Variants in C13orf42 observed in about 807,000 individuals in gnomAD.
C13orf42 encodes the protein uncharacterized protein C13orf42.
Position 51,149,010 on chromosome 13 carries a change from C to T in C13orf42, n.136+23243G>A, listed in dbSNP as rs138648668. Among the ~76,000 whole-genome samples, 449 of 152,294 alleles carry T rather than the reference C, an allele frequency of 2.9e-3. 4 individuals carry two copies. The highest frequency in any genetic ancestry group is 9.4e-3 in the African/African-American group (390 of 41,576). On this transcript the variant is annotated intron_variant and non_coding_transcript_variant, in intron 1 of 4. Transcript: ENST00000433280. ...ACAAAGCATCTTTCTGACTGCCCAC[C>T]TCCTGCCCCACACAGTTTGAAAGGC...
At chr13:51,139,142 C>A (rs1035477453) in intron 1 of C13orf42, among the ~76,000 whole-genome samples, 1 of 152,002 alleles carries the variant, frequency 6.6e-6, no homozygotes, top group Non-Finnish European at 1.5e-5. Context: ...CATGGTGAAA[C>A]CCCGTCTCTA....
chr13:51,095,314 G>GTTA (rs1320489010), intron 1 of C13orf42, among the ~76,000 whole-genome samples: 1 of 151,892 alleles, frequency 6.6e-6, no homozygotes, highest in Admixed American at 6.6e-5. Flanking sequence ...TGTTGTTGCT[G>GTTA]TTGTTGTTAT....
chr13:51,141,095 G>GTGTGT (rs1953692098), intron 1 of C13orf42, among the ~76,000 whole-genome samples: 5 of 128,498 alleles, frequency 3.9e-5, no homozygotes, highest in African/African-American at 1.2e-4. Flanking sequence ...ATCGAAGGGA[G>GTGTGT]GTGTGTGTGT....
At chr13:51,128,944 T>C (rs1209202909) in intron 1 of C13orf42, among the ~76,000 whole-genome samples, 2 of 152,146 alleles carry the variant, frequency 1.3e-5, no homozygotes, top group African/African-American at 4.8e-5. Context: ...TAAGTCTGTT[T>C]ACCCTACCTC....
intron 1 of C13orf42, among the ~76,000 whole-genome samples, chr13:51,143,831 A>G (rs905691926): frequency 3.9e-5 from 6 of 152,208 alleles, no homozygotes; most frequent in Non-Finnish European, 7.4e-5. Flanking sequence ...ATAAAAAATT[A>G]TACGGGAAGC....
At chr13:51,166,513 C>T (rs1301129488) in intron 1 of C13orf42, among the ~76,000 whole-genome samples, 1 of 146,596 alleles carries the variant, frequency 6.8e-6, no homozygotes, top group African/African-American at 2.5e-5. Flanking sequence ...TTAGTGGGTG[C>T]AGCACACCAG....
intron 1 of C13orf42, among the ~76,000 whole-genome samples, chr13:51,125,154 G>A (rs898235577): frequency 6.6e-6 from 1 of 152,134 alleles, no homozygotes; most frequent in Non-Finnish European, 1.5e-5. Context: ...TCTGCTGGGC[G>A]AAGGTGCCAG....
At chr13:51,090,619 A>G (rs1008999721) in intron 1 of C13orf42, among the ~76,000 whole-genome samples, 1 of 152,132 alleles carries the variant, frequency 6.6e-6, no homozygotes, top group Admixed American at 6.5e-5. Context: ...ATTATTTTTT[A>G]TCTGGGTTAC....
At chr13:51,165,769 T>A (rs1953898048) in intron 1 of C13orf42, among the ~76,000 whole-genome samples, 1 of 152,130 alleles carries the variant, frequency 6.6e-6, no homozygotes, top group Non-Finnish European at 1.5e-5. Context: ...CATACAGTGG[T>A]TACAGATAGA....
intron 1 of C13orf42, among the ~76,000 whole-genome samples, chr13:51,130,063 G>T (rs1184861086): frequency 6.6e-6 from 1 of 152,150 alleles, no homozygotes; most frequent in Admixed American, 6.5e-5. Flanking sequence ...ATATGAAAGA[G>T]CTTTGATTAA....
chr13:51,168,382 AAT>A (rs1484296135), intron 1 of C13orf42, among the ~76,000 whole-genome samples: 2 of 152,164 alleles, frequency 1.3e-5, no homozygotes, highest in Non-Finnish European at 2.9e-5. Flanking sequence ...CAGCTGAACA[AAT>A]AGTTTCTCCA....
upstream of C13orf42, among the ~76,000 whole-genome samples, chr13:51,111,791 G>T (rs1953437578): frequency 6.6e-6 from 1 of 152,122 alleles, no homozygotes; most frequent in Non-Finnish European, 1.5e-5. Flanking sequence ...GGCCAGGGTG[G>T]ACACACCAGG....
chr13:51,125,907 C>A (rs1953573018), intron 1 of C13orf42, among the ~76,000 whole-genome samples: 1 of 152,170 alleles, frequency 6.6e-6, no homozygotes, highest in South Asian at 2.1e-4. Context: ...TTTGGCTGAC[C>A]ATGCGAGTCT....
At chr13:51,148,703 T>G (rs1230380431) in intron 1 of C13orf42, among the ~76,000 whole-genome samples, 2 of 152,180 alleles carry the variant, frequency 1.3e-5, no homozygotes, top group Non-Finnish European at 2.9e-5. Context: ...GGCAGCGACG[T>G]GCCTTAGGAA....
In C13orf42 at chr13:51,083,005, C is replaced by A. The variant is rs1029783123; in HGVS notation, c.*1146G>T. On this transcript the variant is annotated 3_prime_UTR_variant, in exon 4 of 4. Transcript: ENST00000563710. Reference sequence around the variant, plus strand: ...AGCCTCTGTTCAGTTCTTAGCCTGACCTTAGCCTAGAACATCCTTGGCTTA... The same window carrying A: ...AGCCTCTGTTCAGTTCTTAGCCTGAACTTAGCCTAGAACATCCTTGGCTTA... 1 of 152,224 alleles carries A rather than the reference C, an allele frequency of 6.6e-6. No homozygotes were observed. Among genetic ancestry groups the A allele is most frequent in the African/African-American group, 2.4e-5 (1 of 41,468 alleles). 9.4% of individuals were successfully genotyped at this position (152,224 alleles called of 1,614,324 possible).
At chr13:51,142,948 T>A (rs1395583754) in intron 1 of C13orf42, among the ~76,000 whole-genome samples, 1 of 152,312 alleles carries the variant, frequency 6.6e-6, no homozygotes. Flanking sequence ...ATATATTTTT[T>A]AAAAACCTGA....
chr13:51,170,349 C>G (rs1043117852), intron 1 of C13orf42, among the ~76,000 whole-genome samples: 3 of 152,290 alleles, frequency 2.0e-5, no homozygotes, highest in Admixed American at 2.0e-4. Flanking sequence ...GGGGACCTCC[C>G]TTGGGAGATC....
rs78385934 is a variant in C13orf42 at position 51,153,506 on chromosome 13, A to G, written n.136+18747T>C. Among the ~76,000 whole-genome samples, 577 of 152,232 alleles carry G rather than the reference A, an allele frequency of 3.8e-3. 3 individuals are homozygous for G. The highest frequency in any genetic ancestry group is 0.013 in the African/African-American group (549 of 41,534). ...AGAGAAAGCTTTTCTCCTACTTTAA[A>G]AAAAATTGTAGTAAAAATTATGTAA... On this transcript the variant is annotated intron_variant and non_coding_transcript_variant, in intron 1 of 4. Transcript: ENST00000433280.
chr13:51,171,195 C>T (rs962660932), intron 1 of C13orf42, among the ~76,000 whole-genome samples: 1 of 152,142 alleles, frequency 6.6e-6, no homozygotes, highest in African/African-American at 2.4e-5. Flanking sequence ...ACCTCTTCAA[C>T]TCACACCTGA....
Sources: gnomAD v4.1 joint callset for allele counts (sites outside exome capture counted in the v4.1 genomes callset) on GRCh38, gnomAD v4.1.1 for gene constraint, MANE v1.5 for transcripts, NCBI Gene and HGNC (gene_info 2026-07-23, HGNC 2026-07-21) for gene names.